The following SDK1 variants were observed in gnomAD, a reference collection of about 807,000 sequenced individuals.
SDK1 encodes the protein sidekick cell adhesion molecule 1.
In SDK1, 157 loss-of-function variants were observed where a neutral mutation model predicts 245.5. The ratio of observed to expected loss-of-function variants is 0.64; its 90% CI spans 0.56 to 0.73. The LOEUF is 0.73. Among genes scored for constraint, SDK1 ranks in the 30% least tolerant of loss-of-function variants. SDK1 has a pLI of 0.00. For missense variants in SDK1, 3,583 were observed against 3,002.3 expected (o/e 1.19, Z -4.52); for synonymous variants, 1,647 against 1,278.5 (o/e 1.29, Z -6.15).
chr7:3,656,350 C>CT (rs998741395), intron 4 of SDK1, among the ~76,000 whole-genome samples: 2 of 152,204 alleles, frequency 1.3e-5, no homozygotes, highest in Admixed American at 6.5e-5. Context: ...CTTTTACTAG[C>CT]TTTTTTCTGG....
At chr7:3,868,047 C>G (rs1052207584) in intron 5 of SDK1, among the ~76,000 whole-genome samples, 2 of 152,074 alleles carry the variant, frequency 1.3e-5, no homozygotes, top group African/African-American at 2.4e-5. Flanking sequence ...GAATGTTTCA[C>G]GGAATGTTAA....
At chr7:4,143,136 G>A (rs1006110081) in intron 28 of SDK1, among the ~76,000 whole-genome samples, 2 of 152,196 alleles carry the variant, frequency 1.3e-5, no homozygotes, top group African/African-American at 2.4e-5. Flanking sequence ...GCTTGGCCAT[G>A]TCTGTTCTGG....
At chr7:3,485,050 C>G in intron 1 of SDK1, among the ~76,000 whole-genome samples, 1 of 152,246 alleles carries the variant, frequency 6.6e-6, no homozygotes, top group Non-Finnish European at 1.5e-5. Flanking sequence ...TATGGCAGTT[C>G]TATTTTCCAT....
chr7:4,245,783 C>G lies in SDK1; in HGVS notation c.6359C>G (p.Ser2120Trp). ...LTESVSLKEK[S>W]ADASESEATD... Reference sequence around the variant, plus strand: ...GAGAGCGTGAGCCTCAAGGAGAAGTCGGCAGATGCATCAGAATCTGAGGTC... The same window carrying G: ...GAGAGCGTGAGCCTCAAGGAGAAGTGGGCAGATGCATCAGAATCTGAGGTC... The change falls in exon 44 of 45, where the codon TCG becomes TGG. Residue 2120 changes from serine to tryptophan, a missense_variant. Ser to Trp is a radical substitution (Grantham distance 177, BLOSUM62 -3). Transcript: ENST00000404826. 1 of 1,613,880 alleles carries G rather than the reference C, an allele frequency of 6.2e-7. No homozygotes were observed. Among genetic ancestry groups the G allele is most frequent in the South Asian group, 1.1e-5 (1 of 91,032 alleles).
At chr7:4,251,095 G>T (rs573646516) in intron 44 of SDK1, among the ~76,000 whole-genome samples, 32 of 152,138 alleles carry the variant, frequency 2.1e-4, no homozygotes, top group Admixed American at 5.2e-4. Context: ...CAGGGTCACT[G>T]ATATATGTTG....
At chr7:3,491,985 A>G (rs1220163533) in intron 1 of SDK1, among the ~76,000 whole-genome samples, 1 of 152,238 alleles carries the variant, frequency 6.6e-6, no homozygotes, top group Non-Finnish European at 1.5e-5. Context: ...TCGTCTATCC[A>G]TATGGAACAC....
chr7:4,165,291 G>A (rs530314731), intron 32 of SDK1, among the ~76,000 whole-genome samples: 25 of 152,208 alleles, frequency 1.6e-4, no homozygotes, highest in African/African-American at 5.8e-4. Context: ...CCCGGGAGGT[G>A]GAGGTTGCAG....
chr7:3,412,501 A>G (rs984075114), intron 1 of SDK1, among the ~76,000 whole-genome samples: 1 of 152,176 alleles, frequency 6.6e-6, no homozygotes, highest in African/African-American at 2.4e-5. Flanking sequence ...ATGTGTTTAT[A>G]CCATAATTTA....
At chr7:3,567,627 T>C (rs1250546441) in intron 1 of SDK1, among the ~76,000 whole-genome samples, 1 of 152,184 alleles carries the variant, frequency 6.6e-6, no homozygotes, top group Non-Finnish European at 1.5e-5. Context: ...TTGGGTTATC[T>C]GATCTGTTTT....
intron 16 of SDK1, among the ~76,000 whole-genome samples, chr7:4,013,634 T>C (rs1330133342): frequency 6.6e-6 from 1 of 152,238 alleles, no homozygotes; most frequent in African/African-American, 2.4e-5. Flanking sequence ...ATTTAATATG[T>C]GTTTTTCTAT....
intron 1 of SDK1, among the ~76,000 whole-genome samples, chr7:3,333,292 A>C (rs1424143741): frequency 6.6e-6 from 1 of 152,168 alleles, no homozygotes; most frequent in Non-Finnish European, 1.5e-5. Flanking sequence ...TGTTTTCTAG[A>C]CATTCTAGGG....
At chr7:3,350,695 A>T (rs78640941) in intron 1 of SDK1, among the ~76,000 whole-genome samples, 15,687 of 152,150 alleles carry the variant, frequency 0.1, 1,016 homozygotes, top group African/African-American at 0.18. Flanking sequence ...TTTCCTGGTG[A>T]TGTCTCATCT....
At chr7:3,459,004 CAATT>C in intron 1 of SDK1, among the ~76,000 whole-genome samples, 1 of 152,154 alleles carries the variant, frequency 6.6e-6, no homozygotes, top group Admixed American at 6.5e-5. Flanking sequence ...CTTGTAGAAT[CAATT>C]GTCAAATGAC....
At chr7:3,436,636 T>G (rs1780029872) in intron 1 of SDK1, among the ~76,000 whole-genome samples, 1 of 152,236 alleles carries the variant, frequency 6.6e-6, no homozygotes, top group Non-Finnish European at 1.5e-5. Context: ...ATTAATGTTC[T>G]TGGCTATGAA....
Position 3,766,837 on chromosome 7 carries a change from A to G in SDK1, c.714-54613A>G, listed in dbSNP as rs951289218. 5.3e-5 allele frequency among the ~76,000 whole-genome samples: 8 copies of G among 152,338 alleles called. No homozygotes were observed. The South Asian group carries it at 1.4e-3, about 28-fold the overall frequency. On this transcript the variant is annotated intron_variant, in intron 4 of 44. Coordinates refer to ENST00000404826, the MANE Select transcript of SDK1 (RefSeq NM_152744.4). ...GACTATTAGATGTGGATACTTTGGA[A>G]TTAAAGATATAAATGAGTAATTAAT...
intron 5 of SDK1, among the ~76,000 whole-genome samples, chr7:3,831,443 G>A (rs541887320): frequency 4.6e-4 from 70 of 152,176 alleles, no homozygotes; most frequent in Non-Finnish European, 8.2e-4. Context: ...GAATTCTTAA[G>A]GTTTTCAAAA....
intron 1 of SDK1, among the ~76,000 whole-genome samples, chr7:3,502,283 C>T (rs945300204): frequency 2.0e-5 from 3 of 151,856 alleles, no homozygotes; most frequent in Non-Finnish European, 4.4e-5. Context: ...AAGTCTTGCT[C>T]TTGGCCACCA....
intron 14 of SDK1, among the ~76,000 whole-genome samples, chr7:3,994,850 C>G (rs1784584687): frequency 6.6e-6 from 1 of 152,122 alleles, no homozygotes; most frequent in Non-Finnish European, 1.5e-5. Context: ...ATCCTCAAAT[C>G]CATCCTCCCT....
In SDK1 at chr7:4,178,529, A is replaced by G; in HGVS notation, c.5041A>G (p.Asn1681Asp). The change falls in exon 35 of 45, where the codon AAC becomes GAC. Residue 1681 changes from asparagine (N) to aspartate (D), a missense_variant. Coordinates refer to ENST00000404826, the MANE Select transcript of SDK1 (RefSeq NM_152744.4). The part of the protein sequence containing the change: ...RRYEVIMTAY[N>D]IIGESPASAP... ...CTATGAAGTAATAATGACCGCCTAT[A>G]ACATCATCGGCGAGAGCCCAGCCAG... is the stretch of plus-strand genomic sequence containing the variant. 1 of 1,613,920 alleles carries G rather than the reference A, an allele frequency of 6.2e-7. No homozygotes were observed. The highest frequency in any genetic ancestry group is 8.5e-7 in the Non-Finnish European group (1 of 1,179,938).
Sources: gnomAD v4.1 joint callset for allele counts (sites outside exome capture counted in the v4.1 genomes callset) on GRCh38, gnomAD v4.1.1 for gene constraint, MANE v1.5 for transcripts, NCBI Gene and HGNC (gene_info 2026-07-23, HGNC 2026-07-21) for gene names.